Variants in SAP18 observed in about 807,000 individuals in gnomAD.
SAP18 encodes histone deacetylase complex subunit SAP18.
In SAP18, 4 loss-of-function variants were observed where a neutral mutation model predicts 18.6. The ratio of observed to expected loss-of-function variants is 0.21; its 90% CI spans 0.11 to 0.49. The LOEUF (loss-of-function observed/expected upper bound fraction) is 0.49, where lower values mean the gene tolerates loss of function less well. Ranked by LOEUF, SAP18 falls within the 20% of genes least tolerant of loss-of-function variation. The pLI, the probability that SAP18 is intolerant of heterozygous loss-of-function variation, is 0.98. For synonymous variants in SAP18, 112 were observed against 82.8 expected, an observed-to-expected ratio of 1.35 and a Z score of -1.92; for missense variants, 170 against 226.4, an observed-to-expected ratio of 0.75 and a Z score of 1.60.
At chr13:21,146,071 A>C (rs1869639826) in intron 2 of SAP18, among the ~76,000 whole-genome samples, 1 of 152,156 alleles carries the variant, frequency 6.6e-6, no homozygotes, top group Admixed American at 6.5e-5. Context: ...GGCTGGGCGC[A>C]GTGGCTCACG....
chr13:21,140,509 G>T, upstream of SAP18: 3 of 1,541,814 alleles, frequency 1.9e-6, no homozygotes, highest in South Asian at 2.4e-5. Context: ...GCCCCTGGCC[G>T]ACTATAAAGT....
At chr13:21,140,394 C>A (rs1220016195), upstream of SAP18, 1 of 720,286 alleles carries the variant, frequency 1.4e-6, no homozygotes, top group Admixed American at 2.9e-5. Context: ...ACCTCCTCCC[C>A]GCGGACGTCA....
chr13:21,147,381 T>C, exon 4 of SAP18: 2 of 1,557,348 alleles, frequency 1.3e-6, no homozygotes, highest in Non-Finnish European at 8.8e-7. Context: ...TTTCCGTCAG[T>C]TATGTAAAAT....
chr13:21,142,653 G>C (rs1167819052), intron 2 of SAP18, among the ~76,000 whole-genome samples: 2 of 152,042 alleles, frequency 1.3e-5, no homozygotes, highest in African/African-American at 4.8e-5. Flanking sequence ...TGTACAATTT[G>C]GTGGCATTAA....
chr13:21,142,351 G>T (rs1386153224), intron 2 of SAP18, among the ~76,000 whole-genome samples: 1 of 150,444 alleles, frequency 6.6e-6, no homozygotes, highest in Non-Finnish European at 1.5e-5. Context: ...TTTATTTTTT[G>T]AATCTCACTC....
intron 1 of SAP18, 75 bp from the exon 2 acceptor site, chr13:21,140,811 T>G: frequency 6.4e-7 from 1 of 1,574,218 alleles, no homozygotes; most frequent in Non-Finnish European, 8.7e-7. Flanking sequence ...CCGCAACGCC[T>G]CGGGAAGAGA....
chr13:21,144,825 A>G (rs1869590373), intron 2 of SAP18, among the ~76,000 whole-genome samples: 1 of 152,198 alleles, frequency 6.6e-6, no homozygotes, highest in Non-Finnish European at 1.5e-5. Flanking sequence ...TAGGTTTCAC[A>G]CTGTCAGAAC....
exon 2 of SAP18, chr13:21,140,953 C>G (rs757818539): frequency 1.9e-6 from 3 of 1,613,706 alleles, no homozygotes; most frequent in Non-Finnish European, 2.5e-6. Context: ...GACGAGTTCT[C>G]CCGGGGAAAT....
At chr13:21,146,682 C>A (rs1869661302) in intron 2 of SAP18, 123 bp from the exon 3 acceptor site, 1 of 742,868 alleles carries the variant, frequency 1.3e-6, no homozygotes, top group Non-Finnish European at 2.1e-6. Flanking sequence ...TAGTATAAGA[C>A]CCTGGCAGTT....
At chr13:21,141,810 G>A (rs962456584) in intron 2 of SAP18, among the ~76,000 whole-genome samples, 2 of 151,724 alleles carry the variant, frequency 1.3e-5, no homozygotes, top group Non-Finnish European at 2.9e-5. Flanking sequence ...GGGATTACAG[G>A]TGTCCACCAC....
upstream of SAP18, among the ~76,000 whole-genome samples, chr13:21,140,294 T>C (rs1261360967): frequency 6.6e-6 from 1 of 152,218 alleles, no homozygotes; most frequent in East Asian, 1.9e-4. Context: ...TCATTACGCA[T>C]GAAAACGCCA....
At chr13:21,143,754 C>A (rs1421306913) in intron 2 of SAP18, among the ~76,000 whole-genome samples, 1 of 151,944 alleles carries the variant, frequency 6.6e-6, no homozygotes, top group Non-Finnish European at 1.5e-5. Flanking sequence ...AAAAAAATTA[C>A]CAAAAAAATC....
At chr13:21,140,395 G>T, upstream of SAP18, 3 of 721,188 alleles carry the variant, frequency 4.2e-6, no homozygotes, top group East Asian at 2.7e-5. Context: ...CCTCCTCCCC[G>T]CGGACGTCAG....
exon 1 of SAP18, chr13:21,140,614 C>T (rs1869423329): frequency 1.9e-6 from 3 of 1,611,824 alleles, no homozygotes; most frequent in Non-Finnish European, 1.7e-6. Flanking sequence ...AGGAAGATGG[C>T]GGTGGAGTCG....
chr13:21,148,565 G>C (rs1460718984), exon 4 of SAP18: 2 of 152,186 alleles, frequency 1.3e-5, no homozygotes, highest in Non-Finnish European at 2.9e-5. Context: ...TTTAAAATCT[G>C]ATGATTCTGT....
chr13:21,147,834 T>TG (rs1461022211), exon 4 of SAP18: 1 of 153,516 alleles, frequency 6.5e-6, no homozygotes, highest in Non-Finnish European at 1.4e-5. Context: ...GAAGCTGTGT[T>TG]GGACGAGATT....
chr13:21,141,055 G>A (rs1245518732), intron 2 of SAP18, 60 bp downstream of exon 2: 1 of 1,047,872 alleles, frequency 9.5e-7, no homozygotes, highest in Non-Finnish European at 1.5e-6. Context: ...ACAGTTAATT[G>A]CCTTTGCCAG....
rs772267729 is a variant in SAP18 at position 21,147,136 on chromosome 13, C to T, written c.363-50C>T. On this transcript the variant is annotated intron_variant, in intron 3 of 3. Coordinates refer to ENST00000621421, the Ensembl canonical transcript of SAP18. The stretch of plus-strand genomic sequence containing the variant: ...TGCCATATTCACTTTGTAGTACATA[C>T]TGGGTTTCATTGATTTGGATCCATT... 7 of 1,567,830 alleles carry T rather than the reference C, an allele frequency of 4.5e-6. No homozygotes were observed. In the South Asian group the frequency reaches 4.7e-5, roughly 11 times the overall value.
At chr13:21,143,781 C>T (rs544659617) in intron 2 of SAP18, among the ~76,000 whole-genome samples, 10 of 152,128 alleles carry the variant, frequency 6.6e-5, no homozygotes, top group African/African-American at 1.9e-4. Context: ...TAAACTATAC[C>T]GTCCATAAAT....
Sources: allele counts gnomAD v4.1 joint callset (sites outside exome capture counted in the v4.1 genomes callset), GRCh38; gene constraint gnomAD v4.1.1; transcripts MANE v1.5; gene names NCBI Gene and HGNC (gene_info 2026-07-23, HGNC 2026-07-21).